Variants in LCK observed in about 807,000 individuals in gnomAD.
LCK encodes tyrosine-protein kinase Lck.
LCK carries 14 observed loss-of-function variants against 64.6 expected under a neutral mutation model. That is an observed-to-expected ratio of 0.22 (90% CI 0.14 to 0.34). The LOEUF is 0.34. LCK is among the 10% of genes least tolerant of loss of function. The pLI, the probability that LCK is intolerant of heterozygous loss-of-function variation, is 1.00. For synonymous variants in LCK, 277 were observed against 263.6 expected (o/e 1.05, Z -0.49); for missense variants, 434 against 668.1 (o/e 0.65, Z 3.86).
chr1:32,285,906 T>A lies in LCK; in HGVS notation c.*190T>A. On this transcript the variant is annotated 3_prime_UTR_variant, in exon 13 of 13. Transcript: ENST00000336890. ...AGTTGCGTGGACTCTGCACATGTCT[T>A]GTACATGTGTAGCCTGTGCATGTAT... The A allele has an allele frequency of 1.6e-6, 1 of 626,582 alleles. No homozygotes were observed. Among genetic ancestry groups the A allele is most frequent in the Non-Finnish European group, 2.8e-6 (1 of 354,614 alleles). The allele number at this position is 626,582 out of a possible 1,614,324, so 38.8% of individuals were successfully genotyped here. A position where few individuals can be genotyped will look rare whatever the true frequency, so the allele number is the denominator to read the frequency against.
chr1:32,263,912 G>C (rs887276034), intron 1 of LCK, among the ~76,000 whole-genome samples: 4 of 150,168 alleles, frequency 2.7e-5, no homozygotes, highest in African/African-American at 9.8e-5. Flanking sequence ...GCAAGACCCT[G>C]TTTAAAAAAA....
Position 32,275,001 on chromosome 1 carries a change from G to T in LCK, c.196G>T (p.Val66Phe). The change falls in exon 4 of 13, where the codon GTT (valine) becomes TTT (phenylalanine). Residue 66 changes from valine (V) to phenylalanine (F), a missense_variant. Transcript: ENST00000336890. The surrounding 1 kb of genome is among the most constrained non-coding windows in gnomAD (Gnocchi z 6.9). Reference protein sequence around the residue: ...PPASPLQDNLVIALHSYEPSH... With the variant: ...PPASPLQDNLFIALHSYEPSH... ...GCCCCTTGTCTTTACAGACAACCTG[G>T]TTATCGCTCTGCACAGCTATGAGCC... 1 of 1,614,178 alleles carries T rather than the reference G, an allele frequency of 6.2e-7. No homozygotes were observed. Among genetic ancestry groups the T allele is most frequent in the Non-Finnish European group, 8.5e-7 (1 of 1,180,040 alleles).
intron 1 of LCK, among the ~76,000 whole-genome samples, chr1:32,257,244 T>G (rs1358266239): frequency 2.6e-5 from 4 of 151,054 alleles, no homozygotes; most frequent in African/African-American, 2.4e-5. Context: ...TGTTTTTTTT[T>G]TTTTTGTTTT....
At position 32,255,198 on chromosome 1, in the gene LCK, C is replaced by A. The variant is rs144355145; in HGVS notation, c.-6+3827C>A. ...CAGGCTGGCAGACCGGGACTCACTT[C>A]ACAACTCCACTGCTCATTTGTTTGT... is the stretch of plus-strand genomic sequence containing the variant. On this transcript the variant is annotated intron_variant, in intron 1 of 12. Coordinates refer to ENST00000336890, the MANE Select transcript of LCK (RefSeq NM_005356.5). 2.9e-3 allele frequency among the ~76,000 whole-genome samples: 449 copies of A among 152,278 alleles called. 2 individuals are homozygous for A. The highest frequency in any genetic ancestry group is 0.01 in the African/African-American group (426 of 41,556).
At chr1:32,268,202 T>C (rs573667375) in intron 1 of LCK, among the ~76,000 whole-genome samples, 1 of 150,752 alleles carries the variant, frequency 6.6e-6, no homozygotes, top group African/African-American at 2.4e-5. Context: ...TCAAAAAAAA[T>C]AAAAAAGAAA....
At chr1:32,261,582 G>A (rs990817060) in intron 1 of LCK, among the ~76,000 whole-genome samples, 6 of 148,736 alleles carry the variant, frequency 4.0e-5, no homozygotes, top group African/African-American at 1.5e-4. Context: ...GGAGTTGGAG[G>A]TTGCAGTGAG....
At chr1:32,263,402 AAAAT>A (rs148681600) in intron 1 of LCK, among the ~76,000 whole-genome samples, 37,816 of 140,798 alleles carry the variant, frequency 0.27, 5,543 homozygotes, top group African/African-American at 0.42. Flanking sequence ...CAAAATAAAT[AAAAT>A]AAATAAATAA....
In LCK at chr1:32,276,805, G is replaced by A. The variant is rs1640287462; in HGVS notation, c.964+19G>A. On this transcript the variant is annotated intron_variant, in intron 9 of 12. Coordinates refer to ENST00000336890, the MANE Select transcript of LCK (RefSeq NM_005356.5). This position sits in a 1 kb window ranked among gnomAD's most constrained non-coding sequence, Gnocchi z 4.6. The stretch of plus-strand genomic sequence containing the variant: ...GAGAATGGTGGGTGCTACCCGAGTC[G>A]GCTACCAGGGGATACTGCTCTCCCT... The A allele has an allele frequency of 6.4e-7, 1 of 1,569,728 alleles. No homozygotes were observed. The highest frequency in any genetic ancestry group is 8.7e-7 in the Non-Finnish European group (1 of 1,152,592).
intron 1 of LCK, among the ~76,000 whole-genome samples, chr1:32,273,673 A>G (rs898227356): frequency 2.0e-5 from 3 of 151,858 alleles, no homozygotes; most frequent in Non-Finnish European, 4.4e-5. Context: ...AAAAATTTCC[A>G]CTGCTAAAAC....
intron 1 of LCK, among the ~76,000 whole-genome samples, chr1:32,257,438 G>A (rs1386437274): frequency 6.6e-6 from 1 of 151,578 alleles, no homozygotes; most frequent in Admixed American, 6.6e-5. Context: ...TTTTTGTACC[G>A]ACGGGGTTTT....
In LCK at chr1:32,285,859, T is replaced by G; in HGVS notation, c.*143T>G. The G allele has an allele frequency of 2.5e-6, 2 of 814,316 alleles. No individual in the cohort carries two copies. Among genetic ancestry groups the G allele is most frequent in the Non-Finnish European group, 3.9e-6 (2 of 510,060 alleles). The allele number at this position is 814,316 out of a possible 1,614,324, so 50.4% of individuals were successfully genotyped here. ...ACCCACATGTGACACATATGCACCT[T>G]GTGTCTGTACACGTGTCCTGTAGTT... is the stretch of plus-strand genomic sequence containing the variant. On this transcript the variant is annotated 3_prime_UTR_variant, in exon 13 of 13. Transcript: ENST00000336890.
Position 32,285,778 on chromosome 1 carries a change from G to A in LCK, c.*62G>A. 1 of 1,519,724 alleles carries A rather than the reference G, an allele frequency of 6.6e-7. No homozygotes were observed. Among genetic ancestry groups the A allele is most frequent in the South Asian group, 1.2e-5 (1 of 83,604 alleles). The allele number at this position is 1,519,724 out of a possible 1,614,324, so 94.1% of individuals were successfully genotyped here. A position where few individuals can be genotyped will look rare whatever the true frequency, so the allele number is the denominator to read the frequency against. On this transcript the variant is annotated 3_prime_UTR_variant, in exon 13 of 13. Transcript: ENST00000336890. ...CTCCAGCCTGACTTGGGGAGATGGA[G>A]TTCTTGTGCCATAGTCACATGGCCT...
chr1:32,275,760 G>A lies in LCK; in HGVS notation c.481+88G>A, dbSNP rs536503604. On this transcript the variant is annotated intron_variant, in intron 6 of 12. Transcript: ENST00000336890. The surrounding 1 kb of genome is among the most constrained non-coding windows in gnomAD (Gnocchi z 6.9). ...CAGGGTGAGCCCGAGGTGGAGACACGGGGTGAGTCGGAGGGGGACGCGGGA... is the reference window on the plus strand; with the variant it reads ...CAGGGTGAGCCCGAGGTGGAGACACAGGGTGAGTCGGAGGGGGACGCGGGA... 2.4e-4 allele frequency: 342 copies of A among 1,403,418 alleles called. No individual in the cohort carries two copies. The highest frequency in any genetic ancestry group is 3.1e-4 in the Non-Finnish European group (323 of 1,031,460). 86.9% of individuals were successfully genotyped at this position (1,403,418 alleles called of 1,614,324 possible).
At chr1:32,270,250 C>CTTTTTTTTTTTT (rs1195979098) in intron 1 of LCK, among the ~76,000 whole-genome samples, 21 of 126,664 alleles carry the variant, frequency 1.7e-4, no homozygotes, top group African/African-American at 5.5e-4. Context: ...GCCCAGCTAA[C>CTTTTTTTTTTTT]TTTTTTTTTT....
chr1:32,261,142 C>T (rs971050984), intron 1 of LCK, among the ~76,000 whole-genome samples: 11 of 151,808 alleles, frequency 7.2e-5, no homozygotes, highest in African/African-American at 2.2e-4. Flanking sequence ...TCACGGCTCA[C>T]TGCAGCCTTG....
chr1:32,276,911 C>A lies in LCK; in HGVS notation c.964+125C>A. 1 of 1,047,668 alleles carries A rather than the reference C, an allele frequency of 9.5e-7. No individual in the cohort carries two copies. Among genetic ancestry groups the A allele is most frequent in the Non-Finnish European group, 1.3e-6 (1 of 760,070 alleles). 64.9% of individuals were successfully genotyped at this position (1,047,668 alleles called of 1,614,324 possible). ...AAGGAGGGTTTCTTGAGCTTTCCTG[C>A]CCCCTGGAGACTCACCTCCAGCCGG... On this transcript the variant is annotated intron_variant, in intron 9 of 12. Transcript: ENST00000336890. The surrounding 1 kb of genome is among the most constrained non-coding windows in gnomAD (Gnocchi z 4.6).
intron 1 of LCK, among the ~76,000 whole-genome samples, chr1:32,257,952 T>TG (rs1639668525): frequency 1.3e-5 from 2 of 152,030 alleles, no homozygotes; most frequent in African/African-American, 4.8e-5. Context: ...CTTTTTTTTT[T>TG]GTTCTCTCTG....
At chr1:32,260,773 C>A (rs1639747410) in intron 1 of LCK, among the ~76,000 whole-genome samples, 1 of 151,962 alleles carries the variant, frequency 6.6e-6, no homozygotes, top group Non-Finnish European at 1.5e-5. Context: ...AGGCGTGCAC[C>A]ACCACACCTG....
intron 2 of LCK, 104 bp from the exon 3 acceptor site, chr1:32,274,633 A>T (rs915278808): frequency 5.5e-5 from 58 of 1,053,266 alleles, no homozygotes; most frequent in Non-Finnish European, 4.9e-5. Context: ...CAGGGATAAC[A>T]TCTAACCAGG....
Sources: gnomAD v4.1 joint callset for allele counts (sites outside exome capture counted in the v4.1 genomes callset) on GRCh38, gnomAD v4.1.1 for gene constraint, Gnocchi (gnomAD v3.1) non-coding constraint, MANE v1.5 for transcripts, NCBI Gene and HGNC (gene_info 2026-07-23, HGNC 2026-07-21) for gene names.